Variants in PTPRO observed in about 807,000 individuals in gnomAD.
The protein encoded by PTPRO is protein tyrosine phosphatase receptor type O.
A neutral mutation model predicts 145.2 loss-of-function variants in PTPRO; 62 were observed. The observed-to-expected ratio is 0.43, with a 90% CI of 0.35 to 0.53. The LOEUF (loss-of-function observed/expected upper bound fraction) is 0.53, where lower values mean the gene tolerates loss of function less well. Among genes scored for constraint, PTPRO ranks in the 20% least tolerant of loss-of-function variants. The pLI, the probability that PTPRO is intolerant of heterozygous loss-of-function variation, is 0.01. For missense variants in PTPRO, 1,345 were observed against 1,482.7 expected (o/e 0.91, Z 1.53); for synonymous variants, 565 against 514.7 (o/e 1.10, Z -1.32).
intron 1 of PTPRO, among the ~76,000 whole-genome samples, chr12:15,402,389 G>GA (rs916295955): frequency 1.4e-3 from 192 of 137,772 alleles, no homozygotes; most frequent in Middle Eastern, 0.011. Flanking sequence ...TCCATTTCAA[G>GA]AAAAAAAAAA....
At chr12:15,466,371 C>A (rs746905022) in intron 1 of PTPRO, among the ~76,000 whole-genome samples, 1 of 151,996 alleles carries the variant, frequency 6.6e-6, no homozygotes, top group Non-Finnish European at 1.5e-5. Flanking sequence ...TCTGAGTTAC[C>A]ATGGTTTCTG....
At chr12:15,573,404 G>A (rs1349166355) in intron 19 of PTPRO, among the ~76,000 whole-genome samples, 1 of 152,134 alleles carries the variant, frequency 6.6e-6, no homozygotes, top group Non-Finnish European at 1.5e-5. Flanking sequence ...CAGCAGACTG[G>A]TGTTTGGCCA....
At chr12:15,456,585 T>A (rs1425027261) in intron 1 of PTPRO, among the ~76,000 whole-genome samples, 2 of 152,198 alleles carry the variant, frequency 1.3e-5, no homozygotes, top group Non-Finnish European at 2.9e-5. Flanking sequence ...TTGGTAGGAG[T>A]CACCATTTGA....
chr12:15,494,167 AG>A (rs1408342185), intron 2 of PTPRO, among the ~76,000 whole-genome samples: 1 of 152,164 alleles, frequency 6.6e-6, no homozygotes, highest in Admixed American at 6.6e-5. Flanking sequence ...GGTAAGTTAC[AG>A]GGGGGAATTT....
chr12:15,408,027 C>A (rs1454603063), intron 1 of PTPRO, among the ~76,000 whole-genome samples: 1 of 152,146 alleles, frequency 6.6e-6, no homozygotes, highest in African/African-American at 2.4e-5. Flanking sequence ...CTTAAGTATT[C>A]TCTTCTGTTA....
intron 17 of PTPRO, among the ~76,000 whole-genome samples, chr12:15,564,991 T>C (rs1398689190): frequency 6.6e-6 from 1 of 152,154 alleles, no homozygotes; most frequent in Non-Finnish European, 1.5e-5. Context: ...TTTGAGCTTA[T>C]AGACTAGTAA....
chr12:15,572,318 A>G (rs1324451644), intron 19 of PTPRO, among the ~76,000 whole-genome samples: 2 of 152,232 alleles, frequency 1.3e-5, no homozygotes. Flanking sequence ...CCATAAGTGG[A>G]GTAAGTTTTC....
At chr12:15,495,098 ATT>A (rs955889553) in intron 2 of PTPRO, among the ~76,000 whole-genome samples, 1 of 152,094 alleles carries the variant, frequency 6.6e-6, no homozygotes, top group Non-Finnish European at 1.5e-5. Flanking sequence ...TAGTGAGTTC[ATT>A]CAGAAATGTT....
intron 7 of PTPRO, among the ~76,000 whole-genome samples, chr12:15,510,857 T>A (rs1461548504): frequency 6.6e-6 from 1 of 152,062 alleles, no homozygotes; most frequent in Non-Finnish European, 1.5e-5. Context: ...ATCATCTAGT[T>A]CAACCCTATT....
intron 1 of PTPRO, among the ~76,000 whole-genome samples, chr12:15,475,921 G>A (rs1941642917): frequency 6.6e-6 from 1 of 152,154 alleles, no homozygotes; most frequent in East Asian, 1.9e-4. Context: ...TCGTACCCAA[G>A]TCTCCTCTAT....
At chr12:15,333,865 C>T (rs1474872750) in intron 1 of PTPRO, among the ~76,000 whole-genome samples, 1 of 152,116 alleles carries the variant, frequency 6.6e-6, no homozygotes, top group Non-Finnish European at 1.5e-5. Context: ...GTGCCCAAGT[C>T]ATAAATAGGT....
intron 17 of PTPRO, among the ~76,000 whole-genome samples, chr12:15,561,925 A>C (rs530475347): frequency 5.9e-5 from 9 of 152,256 alleles, no homozygotes; most frequent in African/African-American, 2.2e-4. Flanking sequence ...GGCCTCATTG[A>C]TGAACATATG....
At chr12:15,487,866 C>A (rs253856) in intron 2 of PTPRO, among the ~76,000 whole-genome samples, 2,162 of 152,278 alleles carry the variant, frequency 0.014, 54 homozygotes, top group African/African-American at 0.05. Context: ...CTAATAGCTA[C>A]CATATTGGAC....
chr12:15,363,129 T>C (rs557024572), intron 1 of PTPRO, among the ~76,000 whole-genome samples: 30 of 152,218 alleles, frequency 2.0e-4, no homozygotes, highest in Admixed American at 1.3e-3. Context: ...GGGAGGAAAA[T>C]TGGCACTCTC....
At chr12:15,359,422 CTTTTTT>C (rs771782428) in intron 1 of PTPRO, among the ~76,000 whole-genome samples, 4 of 112,516 alleles carry the variant, frequency 3.6e-5, no homozygotes, top group Admixed American at 3.0e-4. Flanking sequence ...TTTCTCTTTC[CTTTTTT>C]TTTTTTTTTT....
In PTPRO at chr12:15,451,170, A is replaced by C. The variant is rs1201972900; in HGVS notation, c.76-32804A>C. Among the ~76,000 whole-genome samples, 4 of 152,230 alleles carry C rather than the reference A, an allele frequency of 2.6e-5. No individual in the cohort carries two copies. In the East Asian group the frequency reaches 7.7e-4, roughly 29 times the overall value. ...TTCCATGCAAATGGACACAAAAAGCAAGCAGGAGTAGCTATTCTTATATAA... is the reference window on the plus strand; with the variant it reads ...TTCCATGCAAATGGACACAAAAAGCCAGCAGGAGTAGCTATTCTTATATAA... On this transcript the variant is annotated intron_variant, in intron 1 of 26. Transcript: ENST00000281171.
intron 23 of PTPRO, among the ~76,000 whole-genome samples, chr12:15,584,896 CAAGA>C: frequency 6.6e-6 from 1 of 152,106 alleles, no homozygotes; most frequent in East Asian, 1.9e-4. Flanking sequence ...TCTCCTTTAA[CAAGA>C]AAGGAGAGAA....
chr12:15,481,201 C>T (rs748534585), intron 1 of PTPRO, among the ~76,000 whole-genome samples: 4 of 152,180 alleles, frequency 2.6e-5, no homozygotes, highest in Admixed American at 6.5e-5. Context: ...CACAATTCCA[C>T]GTGGACCACT....
intron 24 of PTPRO, among the ~76,000 whole-genome samples, chr12:15,589,030 G>A (rs1944488876): frequency 6.6e-6 from 1 of 152,174 alleles, no homozygotes; most frequent in Non-Finnish European, 1.5e-5. Context: ...TTTTCCACAA[G>A]GGTACTATTT....
Sources: allele counts gnomAD v4.1 joint callset (sites outside exome capture counted in the v4.1 genomes callset), GRCh38; gene constraint gnomAD v4.1.1; transcripts MANE v1.5; gene names NCBI Gene and HGNC (gene_info 2026-07-23, HGNC 2026-07-21).